DPYD: variants seen among roughly 807,000 people sequenced by gnomAD.
DPYD encodes the protein dihydropyrimidine dehydrogenase.
A neutral mutation model predicts 116.2 loss-of-function variants in DPYD; 109 were observed. The observed-to-expected ratio is 0.94, with a 90% CI of 0.80 to 1.10. The LOEUF (loss-of-function observed/expected upper bound fraction) is 1.10. DPYD is among the 50% of genes least tolerant of loss of function. DPYD has a pLI of 0.00. For missense variants in DPYD, 1,302 were observed against 1,254.5 expected (o/e 1.04, Z -0.57); for synonymous variants, 440 against 432.0 (o/e 1.02, Z -0.23).
intron 4 of DPYD, among the ~76,000 whole-genome samples, chr1:97,731,753 C>T (rs1009047303): frequency 2.6e-5 from 4 of 151,836 alleles, no homozygotes; most frequent in Non-Finnish European, 4.4e-5. Flanking sequence ...TTGACTTTTA[C>T]TTATTAATAT....
At chr1:97,268,987 T>C (rs1664404207) in intron 18 of DPYD, among the ~76,000 whole-genome samples, 3 of 152,174 alleles carry the variant, frequency 2.0e-5, no homozygotes, top group South Asian at 2.1e-4. Context: ...ATAAGTTCCA[T>C]CTTTAAAACA....
At chr1:97,139,795 T>C (rs1276487613) in intron 20 of DPYD, among the ~76,000 whole-genome samples, 1 of 152,160 alleles carries the variant, frequency 6.6e-6, no homozygotes, top group Non-Finnish European at 1.5e-5. Flanking sequence ...TGAGATGTGA[T>C]TCAAATTTAC....
At chr1:97,305,069 T>C (rs1367769889) in intron 18 of DPYD, among the ~76,000 whole-genome samples, 190 bp downstream of exon 18, 2 of 152,072 alleles carry the variant, frequency 1.3e-5, no homozygotes, top group African/African-American at 2.4e-5. Flanking sequence ...CTTATCTTGA[T>C]ATTCTCTCAT....
intron 8 of DPYD, among the ~76,000 whole-genome samples, chr1:97,612,545 T>C (rs953573909): frequency 6.6e-6 from 1 of 152,038 alleles, no homozygotes; most frequent in Non-Finnish European, 1.5e-5. Context: ...TATTAACATA[T>C]AGAAACATTA....
intron 16 of DPYD, among the ~76,000 whole-genome samples, chr1:97,370,235 G>C (rs982764657): frequency 3.9e-5 from 6 of 152,112 alleles, no homozygotes; most frequent in South Asian, 2.1e-4. Context: ...ATACTATGCA[G>C]CCATAAAAAA....
chr1:97,728,864 G>C (rs1027326892), intron 4 of DPYD, among the ~76,000 whole-genome samples: 4 of 151,806 alleles, frequency 2.6e-5, no homozygotes, highest in African/African-American at 9.7e-5. Flanking sequence ...CAACCTGTGG[G>C]TCCTCAGATA....
chr1:97,387,306 C>T (rs139391144), intron 14 of DPYD, among the ~76,000 whole-genome samples: 10 of 152,126 alleles, frequency 6.6e-5, no homozygotes, highest in Non-Finnish European at 1.5e-4. Flanking sequence ...TTAAATGGCA[C>T]ACAAAAAGGA....
intron 18 of DPYD, among the ~76,000 whole-genome samples, chr1:97,294,806 A>C (rs1310769223): frequency 6.6e-6 from 1 of 152,192 alleles, no homozygotes; most frequent in Non-Finnish European, 1.5e-5. Context: ...GTTCCTTGAA[A>C]CGAATCCAAG....
At chr1:97,373,466 T>A (rs972032691) in intron 16 of DPYD, 95 bp downstream of exon 16, 6 of 1,044,016 alleles carry the variant, frequency 5.7e-6, no homozygotes, top group Non-Finnish European at 8.8e-6. Context: ...AGTCATCTGA[T>A]CCATGCATCT....
chr1:97,265,929 T>A (rs918400927), intron 18 of DPYD, among the ~76,000 whole-genome samples: 13 of 152,164 alleles, frequency 8.5e-5, no homozygotes, highest in Non-Finnish European at 1.6e-4. Flanking sequence ...GTTTACAAAT[T>A]AAACTTTCTA....
At chr1:97,246,707 G>A (rs1331527801) in intron 18 of DPYD, among the ~76,000 whole-genome samples, 3 of 151,926 alleles carry the variant, frequency 2.0e-5, no homozygotes, top group Non-Finnish European at 4.4e-5. Context: ...CCCAGCTCTC[G>A]CAGCTACCAA....
chr1:97,367,290 A>T (rs548968858), intron 16 of DPYD, among the ~76,000 whole-genome samples: 8 of 152,128 alleles, frequency 5.3e-5, no homozygotes, highest in Non-Finnish European at 7.4e-5. Context: ...TTTTAAAAAA[A>T]AAAACATACA....
At chr1:97,856,713 A>G (rs1270430000) in intron 2 of DPYD, 1 of 152,356 alleles carries the variant, frequency 6.6e-6, no homozygotes, top group Non-Finnish European at 1.5e-5. Flanking sequence ...GCAAGGCCTC[A>G]TGCGTGATAT....
chr1:97,518,198 C>CAG (rs1278704656), intron 12 of DPYD, among the ~76,000 whole-genome samples: 1 of 151,948 alleles, frequency 6.6e-6, no homozygotes, highest in African/African-American at 2.4e-5. Flanking sequence ...CACACACACA[C>CAG]ACACAGACAC....
At position 97,323,299 on chromosome 1, in the gene DPYD, T is replaced by C. The variant is rs557705296; in HGVS notation, c.2059-17002A>G. On this transcript the variant is annotated intron_variant, in intron 16 of 22. Transcript: ENST00000370192. ...GTACACGTATATATACATATGTGTA[T>C]ATGTACACGTATATATACATATGTG... Among the ~76,000 whole-genome samples, 86 of 147,532 alleles carry C rather than the reference T, an allele frequency of 5.8e-4. 3 individuals are homozygous for C. Among genetic ancestry groups the C allele is most frequent in the African/African-American group, 2.1e-3 (82 of 39,588 alleles).
intron 21 of DPYD, among the ~76,000 whole-genome samples, chr1:97,095,771 A>G (rs1361077869): frequency 2.0e-5 from 3 of 152,142 alleles, no homozygotes; most frequent in African/African-American, 7.2e-5. Context: ...TGCATTTATA[A>G]AAACTGAAAA....
At chr1:97,821,923 T>C (rs1279116384) in intron 3 of DPYD, among the ~76,000 whole-genome samples, 2 of 152,010 alleles carry the variant, frequency 1.3e-5, no homozygotes, top group African/African-American at 4.8e-5. Flanking sequence ...AATCCCATTT[T>C]ACAAAAAAGT....
intron 18 of DPYD, among the ~76,000 whole-genome samples, chr1:97,257,251 AT>A (rs1350898565): frequency 6.6e-6 from 1 of 151,994 alleles, no homozygotes; most frequent in African/African-American, 2.4e-5. Flanking sequence ...TCACCTATTT[AT>A]AAAATCTCTA....
At chr1:97,407,660 C>T (rs1673741539) in intron 14 of DPYD, among the ~76,000 whole-genome samples, 1 of 152,084 alleles carries the variant, frequency 6.6e-6, no homozygotes, top group African/African-American at 2.4e-5. Context: ...GCTGTGTATG[C>T]TCTGAATCAG....
Sources: allele counts gnomAD v4.1 joint callset (sites outside exome capture counted in the v4.1 genomes callset), GRCh38; gene constraint gnomAD v4.1.1; transcripts MANE v1.5; gene names NCBI Gene and HGNC (gene_info 2026-07-23, HGNC 2026-07-21).